Variants in ZFHX3 observed in about 807,000 individuals in gnomAD.
ZFHX3 encodes the protein zinc finger homeobox protein 3.
A neutral mutation model predicts 279.1 loss-of-function variants in ZFHX3; 42 were observed. The observed-to-expected ratio is 0.15, with a 90% CI of 0.12 to 0.19. The LOEUF is 0.19. Among genes scored for constraint, ZFHX3 ranks in the 10% least tolerant of loss-of-function variants. The pLI is 1.00. For synonymous variants in ZFHX3, 2,293 were observed against 1,957.8 expected (o/e 1.17, Z -4.52); for missense variants, 4,981 against 4,754.0 (o/e 1.05, Z -1.40).
rs939720234 is a variant in ZFHX3 at position 73,325,997 on chromosome 16, C to T, written c.-1290-7661G>A. Among the ~76,000 whole-genome samples, 6 of 151,024 alleles carry T rather than the reference C, an allele frequency of 4.0e-5. No individual in the cohort carries two copies. The East Asian group carries it at 1.2e-3, about 29-fold the overall frequency. On this transcript the variant is annotated intron_variant, in intron 3 of 17. Transcript: ENST00000641206. ...GTCAGCTGAGGCTATATCGTGAGAG[C>T]CTCATGTGATTACACTAAGAAGGTG...
chr16:73,258,788 A>G lies in ZFHX3; in HGVS notation c.-1193-1652T>C, dbSNP rs113294384. ...TGCTTTTGGACAATAAAATGGTATA[A>G]ATGAGATGGATCTTTCTTTTAGACT... On this transcript the variant is annotated intron_variant, in intron 4 of 17. Transcript: ENST00000641206. Among the ~76,000 whole-genome samples, 150 of 152,294 alleles carry G rather than the reference A, an allele frequency of 9.8e-4. 1 individual carries two copies. The highest frequency in any genetic ancestry group is 3.4e-3 in the African/African-American group (143 of 41,556).
Position 72,783,466 on chromosome 16 carries a change from C to T in ZFHX3, c.*3698G>A, listed in dbSNP as rs2035211905. 6.6e-6 allele frequency: 1 copy of T among 152,588 alleles called. No individual in the cohort carries two copies. The highest frequency in any genetic ancestry group is 1.5e-5 in the Non-Finnish European group (1 of 68,036). The allele number at this position is 152,588 out of a possible 1,614,324, so 9.5% of individuals were successfully genotyped here. A position where few individuals can be genotyped will look rare whatever the true frequency, so the allele number is the denominator to read the frequency against. On this transcript the variant is annotated 3_prime_UTR_variant, in exon 10 of 10. Coordinates refer to ENST00000268489, the MANE Select transcript of ZFHX3 (RefSeq NM_006885.4). The stretch of plus-strand genomic sequence containing the variant: ...AGTGCACTGGCTTGGGTCACTGCCT[C>T]TCTCTCCTGCAACTTCCTGCCATGC...
At chr16:73,716,612 A>AAC (rs144449904) in intron 1 of ZFHX3, among the ~76,000 whole-genome samples, 2,844 of 31,764 alleles carry the variant, frequency 0.09, 78 homozygotes, top group African/African-American at 0.12. Context: ...TCTTACTCTG[A>AAC]ACACACACAC....
intron 1 of ZFHX3, among the ~76,000 whole-genome samples, chr16:73,006,694 A>G (rs1195208276): frequency 3.3e-5 from 5 of 151,828 alleles, no homozygotes; most frequent in African/African-American, 9.7e-5. Flanking sequence ...GAAAGGAAGG[A>G]AAGGAAGGAA....
At chr16:73,290,601 T>A (rs1313157309) in intron 4 of ZFHX3, among the ~76,000 whole-genome samples, 1 of 152,152 alleles carries the variant, frequency 6.6e-6, no homozygotes, top group Non-Finnish European at 1.5e-5. Context: ...GGACCCCAAC[T>A]GGGTGTGGGC....
At chr16:73,289,827 T>A (rs2014723387) in intron 4 of ZFHX3, among the ~76,000 whole-genome samples, 1 of 151,868 alleles carries the variant, frequency 6.6e-6, no homozygotes, top group Admixed American at 6.6e-5. Context: ...GGAGGGAGTG[T>A]GAGAGAAAGG....
chr16:73,856,001 T>C (rs758391620), intron 1 of ZFHX3, among the ~76,000 whole-genome samples: 5 of 152,196 alleles, frequency 3.3e-5, no homozygotes, highest in Non-Finnish European at 5.9e-5. Context: ...TTATGGTGCA[T>C]CCATGCTGTG....
At chr16:73,047,550 G>C (rs1264556950) in intron 1 of ZFHX3, among the ~76,000 whole-genome samples, 1 of 152,182 alleles carries the variant, frequency 6.6e-6, no homozygotes, top group East Asian at 1.9e-4. Context: ...AAGGAAGGAG[G>C]AAGGAAGAGC....
chr16:73,400,087 A>G (rs2143427008), intron 3 of ZFHX3: 1 of 152,122 alleles, frequency 6.6e-6, no homozygotes, highest in African/African-American at 2.4e-5. Context: ...AAAAAAAAAA[A>G]AAAATCACCA....
intron 2 of ZFHX3, among the ~76,000 whole-genome samples, chr16:73,549,452 C>T (rs11648365): frequency 0.09 from 13,706 of 151,988 alleles, 664 homozygotes; most frequent in Non-Finnish European, 0.1. Context: ...ACAATATTTA[C>T]GTTTTTCTAT....
intron 2 of ZFHX3, among the ~76,000 whole-genome samples, chr16:73,611,547 T>G (rs2052246617): frequency 6.6e-6 from 1 of 152,210 alleles, no homozygotes. Flanking sequence ...ACTAGATGAA[T>G]CTCAACTTCT....
At chr16:73,329,190 C>T (rs964736490) in intron 3 of ZFHX3, among the ~76,000 whole-genome samples, 4 of 152,312 alleles carry the variant, frequency 2.6e-5, no homozygotes, top group Middle Eastern at 3.4e-3. Flanking sequence ...GTAAGGGTGG[C>T]GAACCAGATT....
At chr16:73,683,414 T>A (rs954026604) in intron 1 of ZFHX3, among the ~76,000 whole-genome samples, 4 of 152,218 alleles carry the variant, frequency 2.6e-5, no homozygotes, top group African/African-American at 9.7e-5. Flanking sequence ...ATAGTCTGTC[T>A]TAATAAACAT....
chr16:73,318,729 C>T lies in ZFHX3; in HGVS notation c.-1290-393G>A, dbSNP rs190845338. Among the ~76,000 whole-genome samples the T allele has an allele frequency of 2.0e-5, 3 of 152,156 alleles. No individual in the cohort carries two copies. In the East Asian group the frequency reaches 5.8e-4, roughly 29 times the overall value. On this transcript the variant is annotated intron_variant, in intron 3 of 17. Coordinates refer to the ZFHX3 transcript ENST00000641206. Reference sequence around the variant, plus strand: ...GTCCTGTGCTGGTGGTACAGCTTCGCGGTGTCATTAGTAAACTAACGGTAT... The same window carrying T: ...GTCCTGTGCTGGTGGTACAGCTTCGTGGTGTCATTAGTAAACTAACGGTAT...
chr16:73,788,735 G>T (rs1034500802), intron 1 of ZFHX3, among the ~76,000 whole-genome samples: 2 of 151,236 alleles, frequency 1.3e-5, no homozygotes, highest in East Asian at 3.9e-4. Context: ...TCTATATATA[G>T]ATATATCTAT....
intron 2 of ZFHX3, among the ~76,000 whole-genome samples, chr16:73,557,527 A>G (rs2020305904): frequency 1.3e-5 from 2 of 152,162 alleles, no homozygotes; most frequent in African/African-American, 4.8e-5. Context: ...AAGATATGCT[A>G]AACAAGGGGT....
In ZFHX3 at chr16:73,879,309, A is replaced by T. The variant is rs538504494; in HGVS notation, c.-1608+12342T>A. 4.7e-3 allele frequency among the ~76,000 whole-genome samples: 702 copies of T among 150,368 alleles called. 1 individual carries two copies. The highest frequency in any genetic ancestry group is 0.028 in the Middle Eastern group (8 of 290). ...GAAAAAAAAAAAAAAAAGCAGACACAGATCAAGCCCCCGGCTTCATAAGCA... is the reference window on the plus strand; with the variant it reads ...GAAAAAAAAAAAAAAAAGCAGACACTGATCAAGCCCCCGGCTTCATAAGCA... On this transcript the variant is annotated intron_variant, in intron 1 of 17. Transcript: ENST00000641206.
At chr16:72,833,750 T>A (rs2037120409) in intron 4 of ZFHX3, among the ~76,000 whole-genome samples, 1 of 152,190 alleles carries the variant, frequency 6.6e-6, no homozygotes, top group South Asian at 2.1e-4. Context: ...CAGACAGCTC[T>A]GTGTTTTAGA....
chr16:73,190,199 T>C (rs1055434967), intron 5 of ZFHX3, among the ~76,000 whole-genome samples: 2 of 152,366 alleles, frequency 1.3e-5, no homozygotes, highest in Admixed American at 1.3e-4. Context: ...ACATGTGTAA[T>C]GGTGTGACTT....
Sources: gnomAD v4.1 joint callset for allele counts (sites outside exome capture counted in the v4.1 genomes callset) on GRCh38, gnomAD v4.1.1 for gene constraint, MANE v1.5 for transcripts, NCBI Gene and HGNC (gene_info 2026-07-23, HGNC 2026-07-21) for gene names.